MTRES1: variants seen among roughly 807,000 people sequenced by gnomAD.
MTRES1 encodes the protein mitochondrial transcription rescue factor 1.
In MTRES1, 11 loss-of-function variants were observed where a neutral mutation model predicts 17.4. The observed-to-expected ratio is 0.63, with a 90% CI of 0.40 to 1.05. MTRES1 has a LOEUF of 1.05. MTRES1 is among the 50% of genes least tolerant of loss of function. MTRES1 has a pLI of 0.00. For synonymous variants in MTRES1, 94 were observed against 99.6 expected (o/e 0.94, Z 0.34); for missense variants, 268 against 276.2 (o/e 0.97, Z 0.21).
At position 107,045,196 on chromosome 6, in the gene MTRES1, T is replaced by A. The variant is rs554620043; in HGVS notation, c.543+864T>A. ...TGAGACCCTGTCTCAAAAAAAAAAA[T>A]TCTGGCTGGGCGCAGTGACTCACAC... On this transcript the variant is annotated intron_variant, in intron 3 of 3. Transcript: ENST00000311381. Among the ~76,000 whole-genome samples, 469 of 120,214 alleles carry A rather than the reference T, an allele frequency of 3.9e-3. 5 individuals are homozygous for A. Among genetic ancestry groups the A allele is most frequent in the African/African-American group, 0.012 (422 of 35,046 alleles). The allele number at this position is 120,214 out of a possible 152,430, so 78.9% of individuals were successfully genotyped here.
chr6:107,041,293 T>G (rs1458101917), intron 2 of MTRES1, among the ~76,000 whole-genome samples: 2 of 151,774 alleles, frequency 1.3e-5, no homozygotes, highest in African/African-American at 4.8e-5. Flanking sequence ...TGGTTCTGTG[T>G]GACCTTGGGC....
In MTRES1 at chr6:107,040,245, C is replaced by T. The variant is rs2114956539; in HGVS notation, c.470+15C>T. ...ATTGGGAGAAAGTGAGTATGATACG[C>T]ATTTCATTATAAACTCGCTCGTAGT... On this transcript the variant is annotated intron_variant, in intron 2 of 3. Coordinates refer to ENST00000311381, the MANE Select transcript of MTRES1 (RefSeq NM_016487.5). 1 of 1,564,774 alleles carries T rather than the reference C, an allele frequency of 6.4e-7. No homozygotes were observed. Among genetic ancestry groups the T allele is most frequent in the Non-Finnish European group, 8.6e-7 (1 of 1,161,410 alleles).
At chr6:107,029,955 T>G in intron 1 of MTRES1, 2 of 648,234 alleles carry the variant, frequency 3.1e-6, no homozygotes, top group Middle Eastern at 4.0e-4. Flanking sequence ...CTTCCCCCAG[T>G]GCATTAACCA....
At chr6:107,039,660 A>C (rs1343536319) in intron 1 of MTRES1, 89 bp from the exon 2 acceptor site, 2 of 1,374,572 alleles carry the variant, frequency 1.5e-6, no homozygotes, top group African/African-American at 2.9e-5. Context: ...AGTACTGTAC[A>C]TAAAGCGTTC....
At chr6:107,048,790 A>G (rs1340020409) in intron 3 of MTRES1, among the ~76,000 whole-genome samples, 3 of 151,610 alleles carry the variant, frequency 2.0e-5, no homozygotes, top group African/African-American at 7.3e-5. Context: ...AAAAAAAAAA[A>G]AAAAGAAAAA....
At chr6:107,035,735 A>G (rs570669566) in intron 1 of MTRES1, among the ~76,000 whole-genome samples, 17 of 151,202 alleles carry the variant, frequency 1.1e-4, no homozygotes, top group African/African-American at 3.6e-4. Context: ...TGCAACCTCA[A>G]CCTCCTGGGT....
In MTRES1 at chr6:107,040,162, C is replaced by T. The variant is rs782085711; in HGVS notation, c.402C>T (p.Asp134=). The change falls in exon 2 of 4, where the codon GAC becomes GAT. Residue 134 remains aspartate (D), a synonymous_variant. Coordinates refer to ENST00000311381, the MANE Select transcript of MTRES1 (RefSeq NM_016487.5). ...CTACTGTAGTCAAAAACTATAAAGA[C>T]CTGGAAAAAGCAGTTCAGTCTTTTC... is the stretch of plus-strand genomic sequence containing the variant. ...DDPTVVKNYK[D]LEKAVQSFRY... 10 of 1,611,952 alleles carry T rather than the reference C, an allele frequency of 6.2e-6. No individual in the cohort carries two copies. The East Asian group carries it at 1.8e-4, about 29-fold the overall frequency.
In MTRES1 at chr6:107,050,166, TGCACTGTCTCAACTGAA is replaced by T. The variant is rs148935245; in HGVS notation, c.544-888_544-872del. Among the ~76,000 whole-genome samples, 587 of 152,360 alleles carry T rather than the reference TGCACTGTCTCAACTGAA, an allele frequency of 3.9e-3. 1 individual carries two copies. The highest frequency in any genetic ancestry group is 8.0e-3 in the Admixed American group (123 of 15,300). On this transcript the variant is annotated intron_variant, in intron 3 of 3. Transcript: ENST00000311381. ...GACATAACTGCCCCAGGGCATGCATTGCACTGTCTCAACTGAAGCTGCTTTCTGTGCAAAAATGGGTT... is the reference window on the plus strand; with the variant it reads ...GACATAACTGCCCCAGGGCATGCATTGCTGCTTTCTGTGCAAAAATGGGTT...
intron 1 of MTRES1, among the ~76,000 whole-genome samples, chr6:107,038,925 A>G (rs1774094638): frequency 6.6e-6 from 1 of 152,076 alleles, no homozygotes; most frequent in South Asian, 2.1e-4. Context: ...GTGGTGGTGC[A>G]TGCCTGTAAT....
intron 1 of MTRES1, among the ~76,000 whole-genome samples, chr6:107,031,299 T>C (rs1490867914): frequency 6.6e-6 from 1 of 150,522 alleles, no homozygotes; most frequent in African/African-American, 2.4e-5. Flanking sequence ...AGACTATGGC[T>C]TGAACTGGGG....
At chr6:107,033,062 A>G (rs1246370898) in intron 1 of MTRES1, among the ~76,000 whole-genome samples, 1 of 152,106 alleles carries the variant, frequency 6.6e-6, no homozygotes, top group Non-Finnish European at 1.5e-5. Context: ...TGGGCGAACG[A>G]GTGATTGTAG....
chr6:107,036,441 G>A (rs1346933984), intron 1 of MTRES1, among the ~76,000 whole-genome samples: 1 of 152,136 alleles, frequency 6.6e-6, no homozygotes, highest in African/African-American at 2.4e-5. Flanking sequence ...TGCTCAGGAG[G>A]CTGAGGCAGG....
At chr6:107,045,214 ACT>A (rs1263229601) in intron 3 of MTRES1, among the ~76,000 whole-genome samples, 4 of 142,984 alleles carry the variant, frequency 2.8e-5, no homozygotes, top group South Asian at 4.4e-4. Flanking sequence ...GGGCGCAGTG[ACT>A]CACACCTGTA....
Position 107,037,306 on chromosome 6 carries a change from G to A in MTRES1, c.-12-2443G>A, listed in dbSNP as rs141369501. Among the ~76,000 whole-genome samples the A allele has an allele frequency of 3.7e-3, 569 of 152,266 alleles. 4 individuals carry two copies. In the South Asian group the frequency reaches 0.04, roughly 11 times the overall value. On this transcript the variant is annotated intron_variant, in intron 1 of 3. Coordinates refer to ENST00000311381, the MANE Select transcript of MTRES1 (RefSeq NM_016487.5). ...GATGGTCTCAAGCACCTGACCTCAAGTGATCTGCCCGCCTCAGCCTCCCAA... is the reference window on the plus strand; with the variant it reads ...GATGGTCTCAAGCACCTGACCTCAAATGATCTGCCCGCCTCAGCCTCCCAA...
At chr6:107,047,711 C>A (rs1200184366) in intron 3 of MTRES1, among the ~76,000 whole-genome samples, 1 of 151,742 alleles carries the variant, frequency 6.6e-6, no homozygotes, top group Non-Finnish European at 1.5e-5. Context: ...ATGGTGAAAC[C>A]CCATCTCTAC....
chr6:107,037,783 A>G (rs1254665963), intron 1 of MTRES1, among the ~76,000 whole-genome samples: 1 of 152,112 alleles, frequency 6.6e-6, no homozygotes, highest in Non-Finnish European at 1.5e-5. Context: ...CAGTGGTGCA[A>G]TCTCAGCTCA....
At chr6:107,047,377 C>T (rs370514634) in intron 3 of MTRES1, among the ~76,000 whole-genome samples, 91 of 151,930 alleles carry the variant, frequency 6.0e-4, no homozygotes, top group Middle Eastern at 6.8e-3. Context: ...CACACCACCA[C>T]GTCTGGTTAA....
At chr6:107,048,292 G>A (rs536206162) in intron 3 of MTRES1, among the ~76,000 whole-genome samples, 79 of 151,814 alleles carry the variant, frequency 5.2e-4, no homozygotes, top group African/African-American at 1.7e-3. Context: ...CTACCATCAC[G>A]TTCTGATAAT....
At chr6:107,033,344 A>T (rs1176906647) in intron 1 of MTRES1, among the ~76,000 whole-genome samples, 1 of 151,558 alleles carries the variant, frequency 6.6e-6, no homozygotes, top group African/African-American at 2.4e-5. Context: ...CTGGAGGAAG[A>T]GGAGACCATG....
Sources: gnomAD v4.1 joint callset for allele counts (sites outside exome capture counted in the v4.1 genomes callset) on GRCh38, gnomAD v4.1.1 for gene constraint, MANE v1.5 for transcripts, NCBI Gene and HGNC (gene_info 2026-07-23, HGNC 2026-07-21) for gene names.